The following AGBL4 variants were observed in gnomAD, a reference collection of about 807,000 sequenced individuals.
The protein encoded by AGBL4 is cytosolic carboxypeptidase 6.
In AGBL4, 58 loss-of-function variants were observed where a neutral mutation model predicts 66.4. The ratio of observed to expected loss-of-function variants is 0.87; its 90% confidence interval spans 0.71 to 1.09. The LOEUF (loss-of-function observed/expected upper bound fraction) is 1.09, where lower values mean the gene tolerates loss of function less well. Among genes scored for constraint, AGBL4 ranks in the 50% least tolerant of loss-of-function variants. The pLI is 0.00. For missense variants in AGBL4, 579 were observed against 631.0 expected (o/e 0.92, Z 0.88); for synonymous variants, 234 against 222.9 (o/e 1.05, Z -0.44).
At chr1:49,347,959 G>A (rs779396649) in intron 3 of AGBL4, among the ~76,000 whole-genome samples, 1 of 152,070 alleles carries the variant, frequency 6.6e-6, no homozygotes, top group Non-Finnish European at 1.5e-5. Context: ...CCTCTCTTGG[G>A]GTCTGGATCA....
At chr1:48,878,071 T>C (rs72891894) in intron 5 of AGBL4, among the ~76,000 whole-genome samples, 1,777 of 152,312 alleles carry the variant, frequency 0.012, 32 homozygotes, top group African/African-American at 0.04. Context: ...CAAAATTTTC[T>C]TTTTAAAGAT....
chr1:48,664,221 T>C (rs920956065), intron 6 of AGBL4, among the ~76,000 whole-genome samples: 5 of 152,166 alleles, frequency 3.3e-5, no homozygotes, highest in Non-Finnish European at 7.3e-5. Flanking sequence ...GGAAGCACTG[T>C]AGAAAAAGAG....
intron 9 of AGBL4, among the ~76,000 whole-genome samples, chr1:48,630,424 C>T (rs992514315): frequency 6.6e-6 from 1 of 152,160 alleles, no homozygotes; most frequent in Non-Finnish European, 1.5e-5. Context: ...TGGCCCTGTA[C>T]TAACTGTTCC....
intron 3 of AGBL4, among the ~76,000 whole-genome samples, chr1:49,567,469 A>T (rs1261543762): frequency 6.6e-6 from 1 of 152,198 alleles, no homozygotes; most frequent in East Asian, 1.9e-4. Context: ...TTTTATATGA[A>T]CAGTGATAAT....
At chr1:49,915,404 A>G (rs1651321799) in intron 1 of AGBL4, among the ~76,000 whole-genome samples, 1 of 152,112 alleles carries the variant, frequency 6.6e-6, no homozygotes, top group South Asian at 2.1e-4. Context: ...TGCTTTTCCA[A>G]TGGTCTTAAC....
intron 6 of AGBL4, among the ~76,000 whole-genome samples, chr1:48,771,673 T>G (rs993541858): frequency 2.0e-5 from 3 of 152,322 alleles, no homozygotes; most frequent in Admixed American, 6.5e-5. Context: ...GTTGGCAGTT[T>G]CCCACTGATG....
At chr1:49,734,177 G>A (rs2124723245) in intron 2 of AGBL4, among the ~76,000 whole-genome samples, 1 of 151,994 alleles carries the variant, frequency 6.6e-6, no homozygotes, top group South Asian at 2.1e-4. Context: ...CATACATTAA[G>A]GGGAAAAAAA....
intron 6 of AGBL4, among the ~76,000 whole-genome samples, chr1:48,791,615 GA>G (rs1645552353): frequency 1.3e-5 from 2 of 152,184 alleles, no homozygotes; most frequent in Non-Finnish European, 2.9e-5. Context: ...TCTGAACTTT[GA>G]AATCAGAAAA....
chr1:49,603,005 C>T (rs1352636962), intron 3 of AGBL4, among the ~76,000 whole-genome samples: 5 of 152,076 alleles, frequency 3.3e-5, no homozygotes, highest in Admixed American at 3.3e-4. Context: ...TCATTATCCC[C>T]TTTTTATAAA....
chr1:50,023,630 G>T, intron 1 of AGBL4, 133 bp downstream of exon 1: 1 of 1,136,840 alleles, frequency 8.8e-7, no homozygotes, highest in Non-Finnish European at 1.2e-6. Flanking sequence ...CCCTGACCCT[G>T]AAGTCATAAC....
chr1:49,563,206 T>G (rs1201200083), intron 3 of AGBL4, among the ~76,000 whole-genome samples: 3 of 92,682 alleles, frequency 3.2e-5, no homozygotes, highest in Admixed American at 1.1e-4. Context: ...AAGGAGATTT[T>G]GGGCTGAGAC....
At chr1:49,445,020 C>G (rs1557947114) in intron 3 of AGBL4, among the ~76,000 whole-genome samples, 1 of 151,614 alleles carries the variant, frequency 6.6e-6, no homozygotes, top group Non-Finnish European at 1.5e-5. Flanking sequence ...GTTTAGGACT[C>G]CCTTGAGCAT....
chr1:49,973,430 T>G (rs1658299890), intron 1 of AGBL4, among the ~76,000 whole-genome samples: 2 of 152,092 alleles, frequency 1.3e-5, no homozygotes, highest in African/African-American at 4.8e-5. Flanking sequence ...GCAGCTACTA[T>G]GTTAAATAGT....
At chr1:48,542,634 T>C (rs756818290) in intron 11 of AGBL4, among the ~76,000 whole-genome samples, 1 of 152,262 alleles carries the variant, frequency 6.6e-6, no homozygotes, top group Non-Finnish European at 1.5e-5. Flanking sequence ...GCTGCATAAA[T>C]TTCTTCTTTG....
intron 4 of AGBL4, among the ~76,000 whole-genome samples, chr1:49,179,959 T>C (rs1204090343): frequency 6.6e-6 from 1 of 152,058 alleles, no homozygotes; most frequent in Admixed American, 6.6e-5. Flanking sequence ...TGGAGTGCAA[T>C]GGCGCGATCT....
At chr1:49,196,491 T>G (rs373825424) in intron 4 of AGBL4, among the ~76,000 whole-genome samples, 1 of 152,186 alleles carries the variant, frequency 6.6e-6, no homozygotes, top group African/African-American at 2.4e-5. Flanking sequence ...AATAAGTTTT[T>G]TATCTGGCAT....
chr1:49,319,187 G>C (rs1645090023), intron 3 of AGBL4, among the ~76,000 whole-genome samples: 1 of 152,070 alleles, frequency 6.6e-6, no homozygotes. Flanking sequence ...GTTACAGATG[G>C]GTAAGTTGAA....
intron 6 of AGBL4, among the ~76,000 whole-genome samples, chr1:48,697,764 G>A (rs1646734433): frequency 1.3e-5 from 2 of 152,152 alleles, no homozygotes; most frequent in South Asian, 2.1e-4. Context: ...CAGAAAGAAT[G>A]GTGACAGAAA....
At chr1:49,748,509 A>G (rs1039657885) in intron 2 of AGBL4, among the ~76,000 whole-genome samples, 1 of 152,166 alleles carries the variant, frequency 6.6e-6, no homozygotes, top group Non-Finnish European at 1.5e-5. Flanking sequence ...GATTTATAAT[A>G]CTTTGGGTAT....
Sources: gnomAD v4.1 joint callset for allele counts (sites outside exome capture counted in the v4.1 genomes callset) on GRCh38, gnomAD v4.1.1 for gene constraint, MANE v1.5 for transcripts, NCBI Gene and HGNC (gene_info 2026-07-23, HGNC 2026-07-21) for gene names.